PRKAG2: variants seen among roughly 807,000 people sequenced by gnomAD.
PRKAG2 encodes protein kinase AMP-activated non-catalytic subunit gamma 2.
A neutral mutation model predicts 69.6 loss-of-function variants in PRKAG2; 26 were observed. The observed-to-expected ratio is 0.37, with a 90% CI of 0.27 to 0.52. PRKAG2 has a LOEUF of 0.52. PRKAG2 is among the 20% of genes least tolerant of loss of function. The pLI is 0.90. For missense variants in PRKAG2, 557 were observed against 740.0 expected (o/e 0.75, Z 2.87); for synonymous variants, 293 against 285.0 (o/e 1.03, Z -0.28).
In PRKAG2 at chr7:151,597,824, C is replaced by T. The variant is rs893846492; in HGVS notation, c.755-2370G>A. Among the ~76,000 whole-genome samples the T allele has an allele frequency of 1.4e-5, 2 of 148,146 alleles. 1 individual carries two copies. Among genetic ancestry groups the T allele is most frequent in the African/African-American group, 4.9e-5 (2 of 40,512 alleles). ...TGAGGATGTGGACAAAAGGGAGCCC[C>T]CCCCCCCGCTCTTTTATTGAACTAT... On this transcript the variant is annotated intron_variant, in intron 5 of 15. Coordinates refer to ENST00000287878, the MANE Select transcript of PRKAG2 (RefSeq NM_016203.4).
intron 3 of PRKAG2, among the ~76,000 whole-genome samples, chr7:151,744,380 T>C (rs1454405486): frequency 2.0e-5 from 3 of 152,188 alleles, no homozygotes; most frequent in Admixed American, 2.0e-4. Context: ...TGGGTCTCCG[T>C]TGTAGACACC....
intron 1 of PRKAG2, among the ~76,000 whole-genome samples, chr7:151,793,156 A>G (rs1054351875): frequency 2.0e-5 from 3 of 152,222 alleles, no homozygotes; most frequent in Non-Finnish European, 4.4e-5. Flanking sequence ...TAGACTCAGA[A>G]TAAGATGCAT....
At position 151,876,386 on chromosome 7, in the gene PRKAG2, GC is replaced by G. The variant is rs1401539843; in HGVS notation, c.114+120del. 1.1e-5 allele frequency: 11 copies of G among 994,718 alleles called. No individual in the cohort carries two copies. The East Asian group carries it at 2.4e-4, about 22-fold the overall frequency. 61.6% of individuals were successfully genotyped at this position (994,718 alleles called of 1,614,324 possible). On this transcript the variant is annotated intron_variant, in intron 1 of 15. Coordinates refer to ENST00000287878, the MANE Select transcript of PRKAG2 (RefSeq NM_016203.4). ...TGTCCCTCTACCCTTTCCCCAAGCCGCCCGAAGTGACAGGAGGGGCACGCAC... is the reference window on the plus strand; with the variant it reads ...TGTCCCTCTACCCTTTCCCCAAGCCGCCGAAGTGACAGGAGGGGCACGCAC...
At chr7:151,676,367 A>G (rs1832950584) in intron 3 of PRKAG2, among the ~76,000 whole-genome samples, 1 of 152,146 alleles carries the variant, frequency 6.6e-6, no homozygotes, top group South Asian at 2.1e-4. Context: ...CTGCGAAGAT[A>G]AATACCCAAG....
chr7:151,850,239 G>C lies in PRKAG2; in HGVS notation c.114+26268C>G, dbSNP rs73728419. 0.019 allele frequency among the ~76,000 whole-genome samples: 2,920 copies of C among 152,300 alleles called. 105 individuals are homozygous for C. The highest frequency in any genetic ancestry group is 0.066 in the African/African-American group (2,750 of 41,554). On this transcript the variant is annotated intron_variant, in intron 1 of 15. Coordinates refer to ENST00000287878, the MANE Select transcript of PRKAG2 (RefSeq NM_016203.4). This position sits in a 1 kb window ranked among gnomAD's most constrained non-coding sequence, Gnocchi z 4.1. ...GGGACAGTGGGTGTGAACCGGGTGGGCCCAGGAGAAACCTGGAGGTACAGT... is the reference window on the plus strand; with the variant it reads ...GGGACAGTGGGTGTGAACCGGGTGGCCCCAGGAGAAACCTGGAGGTACAGT...
chr7:151,703,466 C>T (rs1838051690), intron 3 of PRKAG2, among the ~76,000 whole-genome samples: 1 of 152,074 alleles, frequency 6.6e-6, no homozygotes, highest in South Asian at 2.1e-4. Flanking sequence ...GAGAACAACT[C>T]AAGGAACTTC....
chr7:151,603,058 TAC>T (rs947387737), intron 5 of PRKAG2, among the ~76,000 whole-genome samples: 11 of 152,122 alleles, frequency 7.2e-5, no homozygotes, highest in Admixed American at 1.3e-4. Flanking sequence ...GTCTTTGGGT[TAC>T]ACAGTTTCAT....
intron 6 of PRKAG2, among the ~76,000 whole-genome samples, chr7:151,580,217 C>T (rs778559546): frequency 5.9e-5 from 9 of 152,180 alleles, no homozygotes; most frequent in East Asian, 3.9e-4. Context: ...TGTGGTGGTG[C>T]GCACCTGTGA....
chr7:151,603,555 C>T (rs1161445465), intron 5 of PRKAG2, among the ~76,000 whole-genome samples: 1 of 134,510 alleles, frequency 7.4e-6, no homozygotes, highest in Non-Finnish European at 1.6e-5. Flanking sequence ...GCTCCGTCCT[C>T]ACCGCACACG....
At chr7:151,737,305 A>G (rs1460889962) in intron 3 of PRKAG2, among the ~76,000 whole-genome samples, 2 of 151,472 alleles carry the variant, frequency 1.3e-5, no homozygotes, top group African/African-American at 4.9e-5. Flanking sequence ...TAGGAGTTCA[A>G]GACCAGCCAG....
intron 3 of PRKAG2, among the ~76,000 whole-genome samples, chr7:151,687,823 C>T (rs1194913270): frequency 6.6e-6 from 1 of 152,166 alleles, no homozygotes; most frequent in Non-Finnish European, 1.5e-5. Flanking sequence ...TTTGTATGGG[C>T]GACAGGAAAA....
chr7:151,746,220 T>C (rs1317447246), intron 3 of PRKAG2, among the ~76,000 whole-genome samples: 1 of 152,226 alleles, frequency 6.6e-6, no homozygotes, highest in African/African-American at 2.4e-5. Context: ...GGATTTCCAG[T>C]GTCTGGACCT....
rs562429501 is a variant in PRKAG2 at position 151,652,521 on chromosome 7, TTTTTC to T, written c.685-20388_685-20384del. ...TTATAATATGGTAAATTCTTTTTCT[TTTTTC>T]TTTTCTTGTTTTGCTAATCTTCTCT... On this transcript the variant is annotated intron_variant, in intron 4 of 15. Transcript: ENST00000287878. 2.6e-4 allele frequency among the ~76,000 whole-genome samples: 40 copies of T among 152,240 alleles called. 1 individual carries two copies. In the South Asian group the frequency reaches 8.1e-3, roughly 31 times the overall value.
chr7:151,848,315 A>G (rs761399031), intron 1 of PRKAG2, among the ~76,000 whole-genome samples: 8 of 152,096 alleles, frequency 5.3e-5, no homozygotes, highest in Non-Finnish European at 7.4e-5. Flanking sequence ...ACTTTTGTCC[A>G]TGTGAAGTCA....
At chr7:151,859,224 T>C (rs1439238569) in intron 1 of PRKAG2, among the ~76,000 whole-genome samples, 3 of 152,204 alleles carry the variant, frequency 2.0e-5, no homozygotes, top group Non-Finnish European at 4.4e-5. Context: ...TGCACAGCTG[T>C]GGCACCAGAG....
chr7:151,562,441 G>A (rs1226107059), intron 14 of PRKAG2, among the ~76,000 whole-genome samples: 1 of 148,158 alleles, frequency 6.7e-6, no homozygotes, highest in African/African-American at 2.5e-5. Flanking sequence ...TTTGGGTGAT[G>A]TTTCTGTCAT....
intron 15 of PRKAG2, chr7:151,557,867 C>G: frequency 4.2e-6 from 4 of 947,696 alleles, no homozygotes; most frequent in Non-Finnish European, 5.0e-6. Flanking sequence ...AGTGAAACTC[C>G]GTCTCAAATA....
At chr7:151,582,972 C>T (rs1344717157) in intron 6 of PRKAG2, among the ~76,000 whole-genome samples, 1 of 152,226 alleles carries the variant, frequency 6.6e-6, no homozygotes, top group Non-Finnish European at 1.5e-5. Flanking sequence ...AGAACAAATG[C>T]TTAAAATTTC....
At position 151,814,964 on chromosome 7, in the gene PRKAG2, G is replaced by A. The variant is rs1000914721; in HGVS notation, c.115-28423C>T. 19 of 924,680 alleles carry A rather than the reference G, an allele frequency of 2.1e-5. No individual in the cohort carries two copies. The highest frequency in any genetic ancestry group is 2.7e-5 in the Non-Finnish European group (19 of 708,596). 57.3% of individuals were successfully genotyped at this position (924,680 alleles called of 1,614,324 possible). ...ATGGAGGGAGGCAGGAGCAGAGGCC[G>A]ATGATGCAGCAGTGGACAGCTCTGG... is the stretch of plus-strand genomic sequence containing the variant. On this transcript the variant is annotated intron_variant, in intron 1 of 15. Coordinates refer to ENST00000287878, the MANE Select transcript of PRKAG2 (RefSeq NM_016203.4). The surrounding 1 kb of genome is among the most constrained non-coding windows in gnomAD (Gnocchi z 4.8).
Sources: gnomAD v4.1 joint callset for allele counts (sites outside exome capture counted in the v4.1 genomes callset) on GRCh38, gnomAD v4.1.1 for gene constraint, Gnocchi (gnomAD v3.1) non-coding constraint, MANE v1.5 for transcripts, NCBI Gene and HGNC (gene_info 2026-07-23, HGNC 2026-07-21) for gene names.